DNAJC5: variants seen among roughly 807,000 people sequenced by gnomAD.
DNAJC5 encodes the protein DnaJ heat shock protein family (Hsp40) member C5.
DNAJC5 carries 1 observed loss-of-function variant against 23.2 expected under a neutral mutation model. That is an observed-to-expected ratio of 0.04 (90% CI 0.02 to 0.20). The LOEUF (loss-of-function observed/expected upper bound fraction) is 0.20, where lower values mean the gene tolerates loss of function less well. Among genes scored for constraint, DNAJC5 ranks in the 10% least tolerant of loss-of-function variants. DNAJC5 has a pLI of 1.00. For synonymous variants in DNAJC5, 136 were observed against 120.0 expected (o/e 1.13, Z -0.87); for missense variants, 180 against 267.0 (o/e 0.67, Z 2.27).
intron 1 of DNAJC5, among the ~76,000 whole-genome samples, chr20:63,923,093 A>G (rs1404419865): frequency 6.6e-6 from 1 of 152,084 alleles, no homozygotes; most frequent in Non-Finnish European, 1.5e-5. Flanking sequence ...GTGAGCTGAG[A>G]TTGCACCACT....
At chr20:63,908,274 A>G (rs2053460030) in intron 1 of DNAJC5, among the ~76,000 whole-genome samples, 1 of 152,204 alleles carries the variant, frequency 6.6e-6, no homozygotes, top group Non-Finnish European at 1.5e-5. Context: ...CTCTAAGAGC[A>G]GTCCTAGGCC....
intron 1 of DNAJC5, among the ~76,000 whole-genome samples, chr20:63,899,777 T>A (rs944747108): frequency 2.0e-5 from 3 of 152,018 alleles, no homozygotes; most frequent in Non-Finnish European, 2.9e-5. Flanking sequence ...GAGACAGGGT[T>A]TCGCGGTGTT....
rs1369703412 is a variant in DNAJC5 at position 63,929,857 on chromosome 20, T to C, written c.321+332T>C. On this transcript the variant is annotated intron_variant, in intron 3 of 4. Transcript: ENST00000360864. This position sits in a 1 kb window ranked among gnomAD's most constrained non-coding sequence, Gnocchi z 8.6. ...ACTCCTGAGAAAAGGCTTCTGGGCATATGGAGCCTTTCTCCTCACCTGTGT... is the reference window on the plus strand; with the variant it reads ...ACTCCTGAGAAAAGGCTTCTGGGCACATGGAGCCTTTCTCCTCACCTGTGT... 6.6e-6 allele frequency among the ~76,000 whole-genome samples: 1 copy of C among 152,226 alleles called. No individual in the cohort carries two copies.
chr20:63,933,947 G>A lies in DNAJC5; in HGVS notation c.*2379G>A, dbSNP rs6062590. On this transcript the variant is annotated 3_prime_UTR_variant, in exon 5 of 5. Transcript: ENST00000360864. ...TAGAACCATGCAGCTCCCTGCGGAA[G>A]GTGGGGTAGGGTGGGAAAGAGGAGC... is the stretch of plus-strand genomic sequence containing the variant. The A allele has an allele frequency of 1.3e-5, 2 of 152,418 alleles. No homozygotes were observed. The highest frequency in any genetic ancestry group is 6.5e-5 in the Admixed American group (1 of 15,286). 9.4% of individuals were successfully genotyped at this position (152,418 alleles called of 1,614,324 possible).
intron 1 of DNAJC5, among the ~76,000 whole-genome samples, chr20:63,917,240 T>C (rs7409760): frequency 0.054 from 8,282 of 152,236 alleles, 443 homozygotes; most frequent in East Asian, 0.23. Flanking sequence ...CTGGCTTCTA[T>C]TACTTTTTTA....
intron 1 of DNAJC5, among the ~76,000 whole-genome samples, chr20:63,902,305 C>A (rs190688878): frequency 6.6e-6 from 1 of 151,060 alleles, no homozygotes; most frequent in Admixed American, 6.6e-5. Flanking sequence ...CCGCCCAGCT[C>A]GGCCTCCGAA....
intron 1 of DNAJC5, among the ~76,000 whole-genome samples, chr20:63,925,531 A>G (rs892253452): frequency 9.2e-5 from 14 of 151,766 alleles, no homozygotes; most frequent in Non-Finnish European, 2.1e-4. Flanking sequence ...TAGGTGAAGG[A>G]TGGGGATCAA....
At chr20:63,901,428 C>T (rs1272484466) in intron 1 of DNAJC5, among the ~76,000 whole-genome samples, 1 of 152,224 alleles carries the variant, frequency 6.6e-6, no homozygotes, top group Non-Finnish European at 1.5e-5. Context: ...TCTATTTTTT[C>T]ACCAGGTAGG....
chr20:63,928,521 A>G lies in DNAJC5; in HGVS notation c.107+69A>G. On this transcript the variant is annotated intron_variant, in intron 2 of 4. Transcript: ENST00000360864. This position sits in a 1 kb window ranked among gnomAD's most constrained non-coding sequence, Gnocchi z 4.6. ...ACATGCCCCGTGTGGTTTAGTCTGC[A>G]TTTTACCAAGAACCATTGCACATAC... 1 of 1,331,618 alleles carries G rather than the reference A, an allele frequency of 7.5e-7. No individual in the cohort carries two copies. Among genetic ancestry groups the G allele is most frequent in the Non-Finnish European group, 1.1e-6 (1 of 925,964 alleles). 82.5% of individuals were successfully genotyped at this position (1,331,618 alleles called of 1,614,324 possible).
At chr20:63,902,905 C>T (rs981697444) in intron 1 of DNAJC5, among the ~76,000 whole-genome samples, 1 of 146,476 alleles carries the variant, frequency 6.8e-6, no homozygotes, top group Non-Finnish European at 1.5e-5. Flanking sequence ...TCTCGATCTC[C>T]TGACCTCGTG....
At chr20:63,915,881 A>C (rs986270820) in intron 1 of DNAJC5, among the ~76,000 whole-genome samples, 1 of 152,256 alleles carries the variant, frequency 6.6e-6, no homozygotes, top group South Asian at 2.1e-4. Context: ...AAACTACAAC[A>C]AAAGTGACTA....
At chr20:63,925,118 G>A (rs1234873320) in intron 1 of DNAJC5, among the ~76,000 whole-genome samples, 1 of 152,214 alleles carries the variant, frequency 6.6e-6, no homozygotes, top group African/African-American at 2.4e-5. Context: ...TCAGGATGCG[G>A]AGTGCTTGCA....
At position 63,898,890 on chromosome 20, in the gene DNAJC5, T is replaced by C. The variant is rs369494518; in HGVS notation, c.-12+3567T>C. 4.6e-4 allele frequency among the ~76,000 whole-genome samples: 70 copies of C among 152,300 alleles called. 2 individuals are homozygous for C. In the South Asian group the frequency reaches 0.015, roughly 32 times the overall value. On this transcript the variant is annotated intron_variant, in intron 1 of 4. Transcript: ENST00000360864. ...AGTGCTTCTAAGGTGAGACTCATCG[T>C]GATGTTCTGATTAGAACGTTCTCGT...
intron 1 of DNAJC5, among the ~76,000 whole-genome samples, chr20:63,910,306 A>G (rs2053474497): frequency 6.6e-6 from 1 of 151,602 alleles, no homozygotes; most frequent in Non-Finnish European, 1.5e-5. Context: ...GCACTTTGGG[A>G]GGCGGGGGTG....
chr20:63,905,392 A>C (rs906774136), intron 1 of DNAJC5, among the ~76,000 whole-genome samples: 3 of 152,044 alleles, frequency 2.0e-5, no homozygotes, highest in Admixed American at 1.3e-4. Flanking sequence ...CTGGGATTGC[A>C]GGTGTGAGCC....
rs776382886 is a variant in DNAJC5 at position 63,929,288 on chromosome 20, C to G, written c.108-24C>G. On this transcript the variant is annotated intron_variant, in intron 2 of 4. Transcript: ENST00000360864. The surrounding 1 kb of genome is among the most constrained non-coding windows in gnomAD (Gnocchi z 8.6). ...GGGTGGAACAAAGTCCAGGGTAGAGCCAGGACATGGTTTTGGTTTGCAGGA... is the reference window on the plus strand; with the variant it reads ...GGGTGGAACAAAGTCCAGGGTAGAGGCAGGACATGGTTTTGGTTTGCAGGA... 8 of 1,606,600 alleles carry G rather than the reference C, an allele frequency of 5.0e-6. No homozygotes were observed. In the South Asian group the frequency reaches 8.9e-5, roughly 18 times the overall value.
At chr20:63,900,362 G>A (rs2053403838) in intron 1 of DNAJC5, among the ~76,000 whole-genome samples, 1 of 151,994 alleles carries the variant, frequency 6.6e-6, no homozygotes, top group Admixed American at 6.6e-5. Flanking sequence ...CGGATTGCTA[G>A]AGTCCAGAAG....
Position 63,920,153 on chromosome 20 carries a change from C to T in DNAJC5, c.-11-8182C>T, listed in dbSNP as rs983387440. Among the ~76,000 whole-genome samples the T allele has an allele frequency of 1.3e-5, 2 of 151,436 alleles. No individual in the cohort carries two copies. Among genetic ancestry groups the T allele is most frequent in the Non-Finnish European group, 2.9e-5 (2 of 67,824 alleles). ...GAAGAGGACGCACAGGACAGCGCCA[C>T]GGAAGAGGACGCACCCGGCTGTGTG... On this transcript the variant is annotated intron_variant, in intron 1 of 4. Transcript: ENST00000360864. This position sits in a 1 kb window ranked among gnomAD's most constrained non-coding sequence, Gnocchi z 4.6.
intron 1 of DNAJC5, among the ~76,000 whole-genome samples, chr20:63,912,250 C>T (rs2053486960): frequency 6.7e-6 from 1 of 150,110 alleles, no homozygotes; most frequent in African/African-American, 2.5e-5. Context: ...TTGCAGTGAG[C>T]TGAAAGTGCA....
Sources: gnomAD v4.1 joint callset for allele counts (sites outside exome capture counted in the v4.1 genomes callset) on GRCh38, gnomAD v4.1.1 for gene constraint, Gnocchi (gnomAD v3.1) non-coding constraint, MANE v1.5 for transcripts, NCBI Gene and HGNC (gene_info 2026-07-23, HGNC 2026-07-21) for gene names.